The following SPATA24 variants were observed in gnomAD, a reference collection of about 807,000 sequenced individuals.
SPATA24 encodes spermatogenesis associated 24.
SPATA24 carries 21 observed loss-of-function variants against 28.9 expected under a neutral mutation model. That is an observed-to-expected ratio of 0.73 (90% CI 0.52 to 1.05). The LOEUF is 1.05. SPATA24 is among the 50% of genes least tolerant of loss of function. The pLI is 0.00. For synonymous variants in SPATA24, 76 were observed against 89.9 expected (o/e 0.85, Z 0.88); for missense variants, 215 against 242.9 (o/e 0.88, Z 0.76).
Position 139,402,371 on chromosome 5 carries a change from C to T in SPATA24, c.183+257G>A, listed in dbSNP as rs1025209043. On this transcript the variant is annotated intron_variant, in intron 2 of 5. Transcript: ENST00000450845. ...CTGGGATTACAGGCGCCTGCCACCA[C>T]GCATGCTTGGCTAATATATATATAT... Among the ~76,000 whole-genome samples the T allele has an allele frequency of 8.6e-5, 13 of 151,536 alleles. No homozygotes were observed. The East Asian group carries it at 1.5e-3, about 18-fold the overall frequency.
rs1392020870 is a variant in SPATA24, at chr5:139,402,580, T to C, written c.183+48A>G. 3 of 1,509,426 alleles carry C rather than the reference T, an allele frequency of 2.0e-6. No individual in the cohort carries two copies. The East Asian group carries it at 7.4e-5, about 37-fold the overall frequency. The allele number at this position is 1,509,426 out of a possible 1,614,324, so 93.5% of individuals were successfully genotyped here. Reference sequence around the variant, plus strand: ...TAATGAGCCTGCCTAACCACAGGGATCCTGGGAAACGGGGGAAGATTAGGA... The same window carrying C: ...TAATGAGCCTGCCTAACCACAGGGACCCTGGGAAACGGGGGAAGATTAGGA... On this transcript the variant is annotated intron_variant, in intron 2 of 5. Transcript: ENST00000450845.
intron 4 of SPATA24, among the ~76,000 whole-genome samples, chr5:139,399,975 G>A (rs972964928): frequency 5.3e-5 from 8 of 152,204 alleles, no homozygotes; most frequent in Non-Finnish European, 1.0e-4. Flanking sequence ...GATGCCCAGG[G>A]AGAGGGCAAG....
chr5:139,393,714 C>A (rs993204700), downstream of SPATA24: 42 of 1,551,148 alleles, frequency 2.7e-5, no homozygotes, highest in East Asian at 9.8e-4. Context: ...GGGAAAGGAT[C>A]GGAGGGGAAG....
downstream of SPATA24, chr5:139,393,820 G>A (rs1338390496): frequency 6.4e-7 from 1 of 1,551,322 alleles, no homozygotes; most frequent in Admixed American, 2.0e-5. Flanking sequence ...CCTCCGAGTA[G>A]TCCGATCCCA....
At chr5:139,394,162 G>A (rs1267436321), downstream of SPATA24, 3 of 1,546,134 alleles carry the variant, frequency 1.9e-6, no homozygotes, top group Admixed American at 2.0e-5. Context: ...CTTGGCGGGG[G>A]CCGAATTATC....
chr5:139,392,531 G>C, downstream of SPATA24: 2 of 1,351,700 alleles, frequency 1.5e-6, no homozygotes, highest in Non-Finnish European at 1.9e-6. This position sits in a 1 kb window ranked among gnomAD's most constrained non-coding sequence, Gnocchi z 5.8. Context: ...GCAGCGCGGG[G>C]CTGGGCTGGG....
chr5:139,396,411 G>A, downstream of SPATA24: 3 of 985,410 alleles, frequency 3.0e-6, no homozygotes, highest in Non-Finnish European at 3.6e-6. Flanking sequence ...GCAATTTGCA[G>A]GTATAACATT....
At chr5:139,398,743 GC>G (rs1758762090) in intron 4 of SPATA24, among the ~76,000 whole-genome samples, 1 of 151,784 alleles carries the variant, frequency 6.6e-6, no homozygotes, top group African/African-American at 2.4e-5. Flanking sequence ...TGGACAAGGG[GC>G]CAGGCACAGT....
chr5:139,396,786 A>G lies in SPATA24; in HGVS notation c.*14T>C. 6 of 1,551,672 alleles carry G rather than the reference A, an allele frequency of 3.9e-6. No individual in the cohort carries two copies. Among genetic ancestry groups the G allele is most frequent in the Non-Finnish European group, 5.2e-6 (6 of 1,146,978 alleles). ...TGGGGATTACAGCCAGAGAACAGGA[A>G]AGCGGCGGCCATTTTATTTTTCCCT... On this transcript the variant is annotated 3_prime_UTR_variant, in exon 6 of 6. Transcript: ENST00000450845.
At chr5:139,394,339 G>A (rs1238448347), downstream of SPATA24, 2 of 1,441,882 alleles carry the variant, frequency 1.4e-6, no homozygotes, top group South Asian at 1.5e-5. Flanking sequence ...CACGAAGCCC[G>A]CGGCGGCCTG....
At chr5:139,392,838 G>A, downstream of SPATA24, 1 of 1,535,984 alleles carries the variant, frequency 6.5e-7, no homozygotes, top group Middle Eastern at 1.7e-4. The surrounding 1 kb of genome is among the most constrained non-coding windows in gnomAD (Gnocchi z 5.8). Context: ...GCACTCGCGA[G>A]GTTACCTCGG....
chr5:139,403,561 A>G (rs929126847), intron 1 of SPATA24, among the ~76,000 whole-genome samples: 2 of 152,168 alleles, frequency 1.3e-5, no homozygotes, highest in African/African-American at 4.8e-5. Context: ...TGCATTCAAC[A>G]CGGCACTGCC....
At chr5:139,395,164 TG>T, downstream of SPATA24, 1 of 1,309,780 alleles carries the variant, frequency 7.6e-7, no homozygotes, top group Non-Finnish European at 9.9e-7. Context: ...CGCCCGAGGA[TG>T]CCGTGGGGGT....
intron 4 of SPATA24, among the ~76,000 whole-genome samples, chr5:139,398,448 C>T (rs1009342100): frequency 6.6e-6 from 1 of 150,840 alleles, no homozygotes; most frequent in Non-Finnish European, 1.5e-5. Flanking sequence ...GGTGTTGGAA[C>T]ATGCCTATAG....
intron 4 of SPATA24, among the ~76,000 whole-genome samples, chr5:139,399,430 C>A (rs1758778784): frequency 6.6e-6 from 1 of 150,780 alleles, no homozygotes. Context: ...AAAGTGAAGG[C>A]ACAGCATGGA....
At chr5:139,399,431 A>G (rs1758778825) in intron 4 of SPATA24, among the ~76,000 whole-genome samples, 3 of 152,218 alleles carry the variant, frequency 2.0e-5, no homozygotes. Flanking sequence ...AAGTGAAGGC[A>G]CAGCATGGAA....
Position 139,401,938 on chromosome 5 carries a change from T to C in SPATA24, c.291A>G (p.Lys97=), listed in dbSNP as rs1267833272. The part of the protein sequence containing the change: ...EVEVLSKQLE[K]EKLAFEKALS... ...ACGCTTTTTCAAAGGCCAGCTTCTC[T>C]TTCTCCAGCTGCTTGGATAGCACCT... is the stretch of plus-strand genomic sequence containing the variant. Residue 97 remains lysine (K), a synonymous_variant, in exon 3 of 6, where the codon AAA becomes AAG. Transcript: ENST00000450845. 2.6e-6 allele frequency: 4 copies of C among 1,551,758 alleles called. No homozygotes were observed. The highest frequency in any genetic ancestry group is 3.9e-5 in the Admixed American group (2 of 50,978).
intron 4 of SPATA24, among the ~76,000 whole-genome samples, chr5:139,397,797 C>T (rs1401380352): frequency 6.6e-5 from 10 of 152,184 alleles, no homozygotes; most frequent in Admixed American, 2.6e-4. Context: ...TCAGGTGATC[C>T]ACCCACCTCA....
At chr5:139,400,198 G>C (rs1353489788) in intron 4 of SPATA24, among the ~76,000 whole-genome samples, 1 of 152,148 alleles carries the variant, frequency 6.6e-6, no homozygotes, top group Non-Finnish European at 1.5e-5. Context: ...CTCCACATGG[G>C]AGCCCCATCA....
Sources: allele counts gnomAD v4.1 joint callset (sites outside exome capture counted in the v4.1 genomes callset), GRCh38; gene constraint gnomAD v4.1.1; non-coding constraint Gnocchi (gnomAD v3.1); transcripts MANE v1.5; gene names NCBI Gene and HGNC (gene_info 2026-07-23, HGNC 2026-07-21).